MTSS1: variants seen among roughly 807,000 people sequenced by gnomAD.
MTSS1 encodes protein MTSS 1.
Under a neutral mutation model 79.0 loss-of-function variants are expected in MTSS1, and 18 were observed. The ratio of observed to expected loss-of-function variants is 0.23; its 90% confidence interval spans 0.16 to 0.34. The LOEUF (loss-of-function observed/expected upper bound fraction) is 0.34. Among genes scored for constraint, MTSS1 ranks in the 10% least tolerant of loss-of-function variants. The pLI, the probability that MTSS1 is intolerant of heterozygous loss-of-function variation, is 1.00. For missense variants in MTSS1, 815 were observed against 986.2 expected (o/e 0.83, Z 2.33); for synonymous variants, 341 against 368.6 (o/e 0.93, Z 0.86).
chr8:124,656,419 C>T (rs559201969), intron 3 of MTSS1, among the ~76,000 whole-genome samples: 74 of 150,636 alleles, frequency 4.9e-4, no homozygotes, highest in Middle Eastern at 6.9e-3. Context: ...GTAAAAAGTA[C>T]GATCTCTCTA....
At chr8:124,650,083 T>C (rs995922295) in intron 3 of MTSS1, among the ~76,000 whole-genome samples, 4 of 150,114 alleles carry the variant, frequency 2.7e-5, no homozygotes, top group African/African-American at 9.8e-5. Flanking sequence ...CAGGCTGGAG[T>C]GCAGTGGTGC....
chr8:124,590,916 C>T (rs896995446), intron 4 of MTSS1, among the ~76,000 whole-genome samples: 2 of 152,224 alleles, frequency 1.3e-5, no homozygotes, highest in South Asian at 2.1e-4. Flanking sequence ...AAGGAGAGAC[C>T]CATGCAGGAG....
chr8:124,726,117 T>G (rs1023304868), intron 1 of MTSS1, among the ~76,000 whole-genome samples: 8 of 152,370 alleles, frequency 5.3e-5, no homozygotes, highest in Middle Eastern at 3.4e-3. Context: ...AATGTCTTTA[T>G]TTTTAACTGG....
At chr8:124,565,974 TAGGG>T (rs1265095238) in intron 8 of MTSS1, 3 of 374,324 alleles carry the variant, frequency 8.0e-6, no homozygotes, top group Non-Finnish European at 1.4e-5. Context: ...CTATAATTAA[TAGGG>T]AGAAGGAAAG....
intron 1 of MTSS1, among the ~76,000 whole-genome samples, chr8:124,706,379 T>C (rs1438938197): frequency 6.6e-6 from 1 of 152,018 alleles, no homozygotes; most frequent in East Asian, 1.9e-4. Flanking sequence ...AATAAAGTCA[T>C]TGCATTTTTT....
intron 1 of MTSS1, among the ~76,000 whole-genome samples, chr8:124,713,770 A>G (rs1337738719): frequency 6.6e-6 from 1 of 151,996 alleles, no homozygotes; most frequent in East Asian, 1.9e-4. Context: ...CCAAGGCTGG[A>G]GTGCAGTGGC....
At chr8:124,724,033 C>T (rs1833322511) in intron 1 of MTSS1, among the ~76,000 whole-genome samples, 1 of 152,186 alleles carries the variant, frequency 6.6e-6, no homozygotes, top group Non-Finnish European at 1.5e-5. Context: ...GGACAAGGAG[C>T]TCTCCAAGGG....
At chr8:124,672,232 G>A (rs1255566457) in intron 3 of MTSS1, among the ~76,000 whole-genome samples, 2 of 152,228 alleles carry the variant, frequency 1.3e-5, no homozygotes, top group Non-Finnish European at 1.5e-5. Flanking sequence ...AGTGGCTCAT[G>A]CCTGTAATCC....
Position 124,690,326 on chromosome 8 carries a change from G to A in MTSS1, c.208+9200C>T, listed in dbSNP as rs1827739932. ...TTGAATGGAGCAAGACTTTCTCTCT[G>A]TTAGGGGTAAGACAATCCTGAGCAG... On this transcript the variant is annotated intron_variant, in intron 3 of 13. Transcript: ENST00000518547. Among the ~76,000 whole-genome samples the A allele has an allele frequency of 3.9e-5, 6 of 152,214 alleles. No homozygotes were observed. The South Asian group carries it at 1.0e-3, about 26-fold the overall frequency.
chr8:124,723,308 G>A (rs955405741), intron 1 of MTSS1, among the ~76,000 whole-genome samples: 3 of 152,208 alleles, frequency 2.0e-5, no homozygotes, highest in African/African-American at 7.2e-5. Context: ...ATGAGTATAT[G>A]TTACTCTAGT....
At chr8:124,569,857 C>A (rs1432210039) in intron 6 of MTSS1, among the ~76,000 whole-genome samples, 2 of 152,176 alleles carry the variant, frequency 1.3e-5, no homozygotes, top group Non-Finnish European at 2.9e-5. Context: ...AAGAATGGTA[C>A]AGAGGCAGGG....
At chr8:124,686,907 G>A (rs143475563) in intron 3 of MTSS1, among the ~76,000 whole-genome samples, 1 of 152,220 alleles carries the variant, frequency 6.6e-6, no homozygotes, top group East Asian at 1.9e-4. Flanking sequence ...AAAATGGCAG[G>A]CAGCTTCAAA....
At chr8:124,634,575 C>T (rs1362771374) in intron 3 of MTSS1, among the ~76,000 whole-genome samples, 1 of 152,096 alleles carries the variant, frequency 6.6e-6, no homozygotes, top group Non-Finnish European at 1.5e-5. Flanking sequence ...GGTCTGTCAC[C>T]AAGGATACAC....
intron 3 of MTSS1, chr8:124,619,206 A>G (rs1482742313): frequency 6.6e-6 from 1 of 152,080 alleles, no homozygotes; most frequent in East Asian, 1.9e-4. Flanking sequence ...GCAGCTCCCA[A>G]ATGCTCTGTT....
chr8:124,566,260 A>G (rs4870904), intron 8 of MTSS1: 27,934 of 154,310 alleles, frequency 0.18, 2,688 homozygotes, highest in South Asian at 0.31. Context: ...CATTATTTCT[A>G]TATCTGTCTC....
Position 124,556,321 on chromosome 8 carries a change from C to G in MTSS1, c.1315G>C (p.Gly439Arg). Reference sequence around the variant, plus strand: ...CCGCTGGCGGTAGTGGGTCCTCCCCCGTTGGGGTCCGGTTCTCGCTTCTCT... The same window carrying G: ...CCGCTGGCGGTAGTGGGTCCTCCCCGGTTGGGGTCCGGTTCTCGCTTCTCT... ...RKEKREPDPN[G>R]GGPTTASGPP... Residue 439 changes from glycine to arginine, a missense_variant, in exon 12 of 14, where the codon GGG becomes CGG. Gly to Arg is a moderately radical substitution (Grantham distance 125, BLOSUM62 -2). Around this residue, in one of 2 missense-constraint regions of MTSS1, gnomAD observed 590 missense variants for 620.8 expected, o/e 0.95. Coordinates refer to ENST00000518547, the MANE Select transcript of MTSS1 (RefSeq NM_014751.6). 6.2e-7 allele frequency: 1 copy of G among 1,614,232 alleles called. No homozygotes were observed. Among genetic ancestry groups the G allele is most frequent in the Non-Finnish European group, 8.5e-7 (1 of 1,180,024 alleles).
chr8:124,600,310 T>C (rs1833568728), intron 3 of MTSS1, among the ~76,000 whole-genome samples: 1 of 152,236 alleles, frequency 6.6e-6, no homozygotes, highest in Non-Finnish European at 1.5e-5. Flanking sequence ...TTTGTAGAAA[T>C]GACAAATCTT....
intron 1 of MTSS1, among the ~76,000 whole-genome samples, chr8:124,725,230 C>A (rs1430937145): frequency 6.6e-6 from 1 of 152,204 alleles, no homozygotes; most frequent in African/African-American, 2.4e-5. Flanking sequence ...GCCCTGACAG[C>A]CAGCCGAGGA....
At chr8:124,556,641 A>C (rs975181022) in intron 11 of MTSS1, 6 of 524,804 alleles carry the variant, frequency 1.1e-5, no homozygotes, top group African/African-American at 5.7e-5. Context: ...AAGATTAAAA[A>C]CCCTCACCCA....
Sources: gnomAD v4.1 joint callset for allele counts (sites outside exome capture counted in the v4.1 genomes callset) on GRCh38, gnomAD v4.1.1 for gene constraint, gnomAD v4.1.1 regional missense constraint, MANE v1.5 for transcripts, NCBI Gene and HGNC (gene_info 2026-07-23, HGNC 2026-07-21) for gene names.